Variants in BRINP2 observed in about 807,000 individuals in gnomAD.
BRINP2 encodes BMP/retinoic acid inducible neural specific 2, also known as BMP/retinoic acid-inducible neural-specific protein 2.
Under a neutral mutation model 69.2 loss-of-function variants are expected in BRINP2, and 21 were observed. The ratio of observed to expected loss-of-function variants is 0.30; its 90% CI spans 0.22 to 0.44. The LOEUF (loss-of-function observed/expected upper bound fraction) is 0.44, where lower values mean the gene tolerates loss of function less well. BRINP2 is among the 20% of genes least tolerant of loss of function. The pLI, the probability that BRINP2 is intolerant of heterozygous loss-of-function variation, is 1.00. For missense variants in BRINP2, 877 were observed against 986.0 expected (o/e 0.89, Z 1.48); for synonymous variants, 380 against 394.1 (o/e 0.96, Z 0.42).
At chr1:177,248,950 G>C (rs1380606173) in intron 2 of BRINP2, among the ~76,000 whole-genome samples, 1 of 152,132 alleles carries the variant, frequency 6.6e-6, no homozygotes, top group Non-Finnish European at 1.5e-5. Context: ...GATCTGGCAT[G>C]GCTATGGTTC....
rs1170734492 is a variant in BRINP2 at position 177,276,220 on chromosome 1, G to T, written c.798G>T (p.Glu266Asp). ...QLLGLQVLLP[E>D]YLRERFVAAA... The stretch of plus-strand genomic sequence containing the variant: ...CAGGCCTTCAGGTGCTGCTGCCTGA[G>T]TATCTGCGTGAGCGCTTTGTAGCTG... The change falls in exon 6 of 8, where the codon GAG becomes GAT. Residue 266 changes from glutamate (E) to aspartate (D), a missense_variant. Transcript: ENST00000361539. The T allele has an allele frequency of 6.2e-7, 1 of 1,613,638 alleles. No homozygotes were observed. Among genetic ancestry groups the T allele is most frequent in the Non-Finnish European group, 8.5e-7 (1 of 1,179,624 alleles).
chr1:177,234,276 C>T (rs1179246135), intron 2 of BRINP2, among the ~76,000 whole-genome samples: 1 of 152,176 alleles, frequency 6.6e-6, no homozygotes, highest in Non-Finnish European at 1.5e-5. Context: ...GAGAGGTAGC[C>T]AGTCACAGCC....
chr1:177,176,614 A>C (rs1648095380), intron 1 of BRINP2, among the ~76,000 whole-genome samples: 1 of 151,588 alleles, frequency 6.6e-6, no homozygotes. Context: ...GAAAAGGTGC[A>C]GAGGCATGAA....
chr1:177,201,781 G>T (rs1243887843), intron 1 of BRINP2, among the ~76,000 whole-genome samples: 4 of 152,296 alleles, frequency 2.6e-5, no homozygotes, highest in Admixed American at 2.0e-4. Flanking sequence ...AATGGTACCA[G>T]CTCCTCCTTG....
chr1:177,187,076 G>GA (rs1648448731), intron 1 of BRINP2, among the ~76,000 whole-genome samples: 1 of 152,192 alleles, frequency 6.6e-6, no homozygotes, highest in Non-Finnish European at 1.5e-5. Flanking sequence ...AGGGACAAAT[G>GA]AGGTCTGGCT....
chr1:177,176,161 A>G (rs1329782449), intron 1 of BRINP2, among the ~76,000 whole-genome samples: 1 of 152,180 alleles, frequency 6.6e-6, no homozygotes, highest in Non-Finnish European at 1.5e-5. Context: ...CTCACATGAA[A>G]TGCAAACTTT....
intron 6 of BRINP2, 69 bp from the exon 7 acceptor site, chr1:177,278,494 C>A: frequency 1.4e-6 from 2 of 1,415,152 alleles, no homozygotes; most frequent in African/African-American, 1.4e-5. Flanking sequence ...ATCTGGGCAG[C>A]GTCCACTTGC....
chr1:177,181,286 G>A (rs924332929), intron 1 of BRINP2, among the ~76,000 whole-genome samples: 1 of 150,582 alleles, frequency 6.6e-6, no homozygotes, highest in Non-Finnish European at 1.5e-5. Context: ...CTCCTCAGTT[G>A]TGATTTTTTT....
At chr1:177,201,662 T>C (rs932689017) in intron 1 of BRINP2, among the ~76,000 whole-genome samples, 1 of 152,192 alleles carries the variant, frequency 6.6e-6, no homozygotes, top group African/African-American at 2.4e-5. Flanking sequence ...TCTGGATTGA[T>C]ACACCTTGAT....
At chr1:177,211,550 T>C (rs113013975) in intron 1 of BRINP2, among the ~76,000 whole-genome samples, 263 of 152,338 alleles carry the variant, frequency 1.7e-3, no homozygotes, top group African/African-American at 5.9e-3. Flanking sequence ...TGTTATTTTG[T>C]AGGATGTTCC....
chr1:177,255,528 G>T (rs1218786829), intron 2 of BRINP2, among the ~76,000 whole-genome samples: 1 of 152,224 alleles, frequency 6.6e-6, no homozygotes, highest in Non-Finnish European at 1.5e-5. Context: ...GAGGCCATGA[G>T]AGGGGATGTG....
chr1:177,232,161 C>T (rs1382657087), intron 2 of BRINP2, among the ~76,000 whole-genome samples: 3 of 152,160 alleles, frequency 2.0e-5, no homozygotes, highest in African/African-American at 7.2e-5. Context: ...GGCTGGGAGT[C>T]CTAACACCAC....
intron 4 of BRINP2, among the ~76,000 whole-genome samples, chr1:177,258,165 T>C (rs1246390832): frequency 6.6e-6 from 1 of 152,234 alleles, no homozygotes; most frequent in Non-Finnish European, 1.5e-5. Context: ...TCATATCTTC[T>C]CTACTTACAC....
intron 1 of BRINP2, among the ~76,000 whole-genome samples, chr1:177,211,537 G>A (rs1649222369): frequency 6.6e-6 from 1 of 152,100 alleles, no homozygotes; most frequent in South Asian, 2.1e-4. Context: ...AAGATTACAG[G>A]CTTGTTATTT....
chr1:177,263,459 C>T (rs771890405), intron 4 of BRINP2, among the ~76,000 whole-genome samples: 2 of 152,114 alleles, frequency 1.3e-5, no homozygotes, highest in East Asian at 1.9e-4. Flanking sequence ...CACAAGGGAG[C>T]GCCTTCCTTA....
intron 1 of BRINP2, among the ~76,000 whole-genome samples, chr1:177,177,608 T>A (rs990591598): frequency 3.3e-5 from 5 of 151,926 alleles, no homozygotes; most frequent in Non-Finnish European, 7.3e-5. Context: ...TATTTTCTAA[T>A]CCTTCTCTTT....
intron 1 of BRINP2, among the ~76,000 whole-genome samples, chr1:177,217,607 G>A (rs1254107632): frequency 6.6e-6 from 1 of 152,124 alleles, no homozygotes; most frequent in East Asian, 1.9e-4. Flanking sequence ...CATTTGTGGA[G>A]ACAGACAACT....
At chr1:177,273,637 T>A (rs746826928) in intron 5 of BRINP2, 44 bp downstream of exon 5, 81 of 1,051,242 alleles carry the variant, frequency 7.7e-5, no homozygotes, top group South Asian at 1.3e-4. Context: ...ACACCTGATT[T>A]AAAAAAAAAA....
intron 3 of BRINP2, 152 bp downstream of exon 3, chr1:177,256,261 C>T (rs1158420599): frequency 7.1e-7 from 1 of 1,417,092 alleles, no homozygotes; most frequent in East Asian, 2.5e-5. Flanking sequence ...AGTGCAGTCT[C>T]TTGACATCTC....
Sources: allele counts gnomAD v4.1 joint callset (sites outside exome capture counted in the v4.1 genomes callset), GRCh38; gene constraint gnomAD v4.1.1; transcripts MANE v1.5; gene names NCBI Gene and HGNC (gene_info 2026-07-23, HGNC 2026-07-21).